Variants in OIP5 observed in about 807,000 individuals in gnomAD.
The protein encoded by OIP5 is protein Mis18-beta.
Under a neutral mutation model 20.3 loss-of-function variants are expected in OIP5, and 24 were observed. The ratio of observed to expected loss-of-function variants is 1.18; its 90% CI spans 0.86 to 1.66. OIP5 has a LOEUF of 1.66. Ranked by LOEUF, OIP5 falls within the 40% of genes most tolerant of loss-of-function variation. OIP5 has a pLI of 0.00. For synonymous variants in OIP5, 143 were observed against 121.3 expected (o/e 1.18, Z -1.17); for missense variants, 339 against 289.5 (o/e 1.17, Z -1.24).
intron 2 of OIP5, among the ~76,000 whole-genome samples, chr15:41,322,799 G>A (rs1039451443): frequency 2.0e-5 from 3 of 152,228 alleles, no homozygotes; most frequent in African/African-American, 7.2e-5. Context: ...GCCAGGCCTG[G>A]TGGCGGGTGC....
chr15:41,322,540 G>T (rs1248136544), intron 2 of OIP5, among the ~76,000 whole-genome samples: 4 of 152,094 alleles, frequency 2.6e-5, no homozygotes, highest in African/African-American at 9.7e-5. Flanking sequence ...GGGACTACAG[G>T]TGCATGCTAC....
chr15:41,319,640 A>G lies in OIP5; in HGVS notation c.512+18T>C. ...TAAAATAAAATGTATTTGATGATCA[A>G]TATCTAAGTCTACTCACCACACCAT... On this transcript the variant is annotated intron_variant, in intron 3 of 4. Coordinates refer to ENST00000220514, the MANE Select transcript of OIP5 (RefSeq NM_007280.2). 1 of 1,591,210 alleles carries G rather than the reference A, an allele frequency of 6.3e-7. No individual in the cohort carries two copies. The highest frequency in any genetic ancestry group is 1.2e-5 in the South Asian group (1 of 86,570).
In OIP5 at chr15:41,322,865, G is replaced by A. The variant is rs79931717; in HGVS notation, c.390-3085C>T. 4.6e-5 allele frequency among the ~76,000 whole-genome samples: 7 copies of A among 152,090 alleles called. No individual in the cohort carries two copies. The East Asian group carries it at 1.2e-3, about 25-fold the overall frequency. Reference sequence around the variant, plus strand: ...CAGGAGAATCGCTTGAACCTGGGAGGCGGAGGTTGCAGTGAGCGGAGATTG... The same window carrying A: ...CAGGAGAATCGCTTGAACCTGGGAGACGGAGGTTGCAGTGAGCGGAGATTG... On this transcript the variant is annotated intron_variant, in intron 2 of 4. Transcript: ENST00000220514.
At chr15:41,319,868 C>T in intron 2 of OIP5, 88 bp from the exon 3 acceptor site, 4 of 1,086,592 alleles carry the variant, frequency 3.7e-6, no homozygotes, top group Non-Finnish European at 5.1e-6. Flanking sequence ...ATTCCTAACA[C>T]CTAAGTCAGG....
At chr15:41,331,866 A>G (rs1272332734) in intron 2 of OIP5, 49 bp downstream of exon 2, 9 of 1,466,878 alleles carry the variant, frequency 6.1e-6, no homozygotes, top group Non-Finnish European at 8.6e-6. Flanking sequence ...CACGATCCTC[A>G]GTCTCATAAA....
chr15:41,331,857 A>T, intron 2 of OIP5, 58 bp downstream of exon 2: 1 of 1,432,320 alleles, frequency 7.0e-7, no homozygotes, highest in Non-Finnish European at 9.9e-7. Flanking sequence ...TGTCAGTTCC[A>T]CGATCCTCAG....
chr15:41,331,578 G>C (rs1480491884), intron 2 of OIP5, among the ~76,000 whole-genome samples: 1 of 152,120 alleles, frequency 6.6e-6, no homozygotes, highest in Non-Finnish European at 1.5e-5. Context: ...GCAAGACCCT[G>C]TATCAAAAAG....
intron 2 of OIP5, among the ~76,000 whole-genome samples, chr15:41,331,498 T>C (rs1344517170): frequency 6.6e-6 from 1 of 152,164 alleles, no homozygotes; most frequent in Admixed American, 6.5e-5. Context: ...GTTGGGAGGA[T>C]AGCTTGAGCC....
chr15:41,315,961 A>G (rs928755994), intron 3 of OIP5, among the ~76,000 whole-genome samples: 14 of 152,116 alleles, frequency 9.2e-5, no homozygotes, highest in Non-Finnish European at 1.8e-4. Flanking sequence ...CCCCGTCTCT[A>G]CTAAAAATAC....
intron 2 of OIP5, among the ~76,000 whole-genome samples, chr15:41,330,890 A>G (rs958671261): frequency 6.6e-6 from 1 of 152,142 alleles, no homozygotes; most frequent in Non-Finnish European, 1.5e-5. Flanking sequence ...CACATTCAGG[A>G]ACCTTCTGCC....
Position 41,331,897 on chromosome 15 carries a change from G to A in OIP5, c.389+18C>T, listed in dbSNP as rs1179793679. The A allele has an allele frequency of 1.2e-6, 2 of 1,606,520 alleles. No individual in the cohort carries two copies. The highest frequency in any genetic ancestry group is 1.7e-6 in the Non-Finnish European group (2 of 1,173,186). ...ATAAAGTCAGGGACTAGAGACCAATGTAATTATCAATACGTACCTGCCTTT... is the reference window on the plus strand; with the variant it reads ...ATAAAGTCAGGGACTAGAGACCAATATAATTATCAATACGTACCTGCCTTT... On this transcript the variant is annotated intron_variant, in intron 2 of 4. Coordinates refer to ENST00000220514, the MANE Select transcript of OIP5 (RefSeq NM_007280.2).
At chr15:41,327,680 C>T (rs903508364) in intron 2 of OIP5, among the ~76,000 whole-genome samples, 25 of 151,986 alleles carry the variant, frequency 1.6e-4, no homozygotes, top group Non-Finnish European at 2.2e-4. Context: ...CCCAGTTACT[C>T]GGGAGGCTGA....
chr15:41,315,574 G>C (rs2047784592), intron 3 of OIP5, among the ~76,000 whole-genome samples: 1 of 152,090 alleles, frequency 6.6e-6, no homozygotes, highest in South Asian at 2.1e-4. Flanking sequence ...AATCCAAGAG[G>C]AAAAGGCCAA....
chr15:41,318,008 A>T (rs903201135), intron 3 of OIP5, among the ~76,000 whole-genome samples: 5 of 152,046 alleles, frequency 3.3e-5, no homozygotes, highest in African/African-American at 1.2e-4. Flanking sequence ...AGTACCTGGG[A>T]GTGGGAATCA....
chr15:41,325,841 C>A (rs2047858445), intron 2 of OIP5, among the ~76,000 whole-genome samples: 1 of 135,580 alleles, frequency 7.4e-6, no homozygotes, highest in Non-Finnish European at 1.6e-5. Context: ...CAGAGCAAGA[C>A]TCCGTCTCAA....
intron 2 of OIP5, among the ~76,000 whole-genome samples, chr15:41,323,985 C>CTTTTT (rs869073906): frequency 1.1e-4 from 12 of 107,036 alleles, no homozygotes; most frequent in African/African-American, 2.3e-4. Flanking sequence ...CCAACCTCTG[C>CTTTTT]TTTTTTTTTT....
At chr15:41,320,452 A>AT (rs560070223) in intron 2 of OIP5, among the ~76,000 whole-genome samples, 9 of 151,950 alleles carry the variant, frequency 5.9e-5, no homozygotes, top group African/African-American at 1.5e-4. Flanking sequence ...AGGTTTTCAT[A>AT]TTTTTTTGGT....
chr15:41,321,537 A>G (rs1315266492), intron 2 of OIP5, among the ~76,000 whole-genome samples: 2 of 152,182 alleles, frequency 1.3e-5, no homozygotes, highest in Non-Finnish European at 2.9e-5. Flanking sequence ...GTCTGTGTAG[A>G]AAGAAGTAGA....
intron 2 of OIP5, among the ~76,000 whole-genome samples, chr15:41,321,339 C>G (rs966491960): frequency 4.9e-5 from 7 of 143,148 alleles, no homozygotes; most frequent in Admixed American, 3.5e-4. Context: ...GCCCCGTCCG[C>G]GAGGTGATGG....
Sources: allele counts gnomAD v4.1 joint callset (sites outside exome capture counted in the v4.1 genomes callset), GRCh38; gene constraint gnomAD v4.1.1; transcripts MANE v1.5; gene names NCBI Gene and HGNC (gene_info 2026-07-23, HGNC 2026-07-21).